OSBPL10: variants seen among roughly 807,000 people sequenced by gnomAD.
OSBPL10 encodes oxysterol-binding protein-related protein 10.
A neutral mutation model predicts 81.7 loss-of-function variants in OSBPL10; 49 were observed. The ratio of observed to expected loss-of-function variants is 0.60; its 90% CI spans 0.48 to 0.76. The LOEUF (loss-of-function observed/expected upper bound fraction) is 0.76. OSBPL10 is among the 30% of genes least tolerant of loss of function. OSBPL10 has a pLI of 0.00. For missense variants in OSBPL10, 923 were observed against 987.8 expected (o/e 0.93, Z 0.88); for synonymous variants, 419 against 383.6 (o/e 1.09, Z -1.08).
Position 31,876,258 on chromosome 3 carries a change from T to C in OSBPL10, c.537+175A>G, listed in dbSNP as rs188542324. The stretch of plus-strand genomic sequence containing the variant: ...CCTGCGTATTCTACCTACAAGAAAA[T>C]CTTACTACATTTCTCCTGGCTTTAA... On this transcript the variant is annotated intron_variant, in intron 3 of 11. Coordinates refer to ENST00000396556, the MANE Select transcript of OSBPL10 (RefSeq NM_017784.5). Among the ~76,000 whole-genome samples the C allele has an allele frequency of 4.1e-4, 63 of 152,246 alleles. No homozygotes were observed. The South Asian group carries it at 6.0e-3, about 15-fold the overall frequency.
At chr3:32,052,187 G>A (rs1699675098) in intron 1 of OSBPL10, among the ~76,000 whole-genome samples, 1 of 150,062 alleles carries the variant, frequency 6.7e-6, no homozygotes, top group South Asian at 2.1e-4. Flanking sequence ...GTAGAGGTTG[G>A]AATGAGCAGA....
rs1216453558 is a variant in OSBPL10, at chr3:31,782,681, GA to G, written c.730-34562del. On this transcript the variant is annotated intron_variant, in intron 4 of 11. Coordinates refer to ENST00000396556, the MANE Select transcript of OSBPL10 (RefSeq NM_017784.5). ...AAGATACACAAATGGCCAAACACAG[GA>G]AAAAATGCTCAGCATCACTAATTAT... 2.0e-5 allele frequency among the ~76,000 whole-genome samples: 3 copies of G among 152,110 alleles called. No homozygotes were observed. In the South Asian group the frequency reaches 6.2e-4, roughly 32 times the overall value.
At chr3:31,809,867 C>CTTTTTTTTTTTTTTTTTTTTT (rs776687802) in intron 4 of OSBPL10, among the ~76,000 whole-genome samples, 1 of 83,458 alleles carries the variant, frequency 1.2e-5, no homozygotes, top group African/African-American at 8.5e-5. Flanking sequence ...TGCCCCCTGA[C>CTTTTTTTTTTTTTTTTTTTTT]TCTTTTTTTT....
Position 31,873,409 on chromosome 3 carries a change from C to T in OSBPL10, c.537+3024G>A, listed in dbSNP as rs539039023. On this transcript the variant is annotated intron_variant, in intron 3 of 11. Transcript: ENST00000396556. ...ACTCTGGACTGGGGAAAAACTTCATCAGGTAGTGACTAAGGCAGGTCTGGG... is the reference window on the plus strand; with the variant it reads ...ACTCTGGACTGGGGAAAAACTTCATTAGGTAGTGACTAAGGCAGGTCTGGG... Among the ~76,000 whole-genome samples, 5 of 152,188 alleles carry T rather than the reference C, an allele frequency of 3.3e-5. No individual in the cohort carries two copies. The South Asian group carries it at 6.2e-4, about 19-fold the overall frequency.
At chr3:31,960,623 G>A (rs1376541891) in intron 1 of OSBPL10, among the ~76,000 whole-genome samples, 1 of 152,136 alleles carries the variant, frequency 6.6e-6, no homozygotes, top group Non-Finnish European at 1.5e-5. Flanking sequence ...CCATTTCCAA[G>A]TAAAAATGGA....
At chr3:31,915,047 C>G (rs1696712192) in intron 1 of OSBPL10, among the ~76,000 whole-genome samples, 1 of 152,194 alleles carries the variant, frequency 6.6e-6, no homozygotes, top group Non-Finnish European at 1.5e-5. Context: ...TCAGAGCTCA[C>G]TGTAACCTTG....
rs768390742 is a variant in OSBPL10, at chr3:31,980,905, T to C, written c.275A>G (p.Gln92Arg). ...SKYTNLLQGW[Q>R]NRYFVLDFEA... ...CGGGCGGCTGGCGCGTTACCTGTTC[T>C]GCCAGCCCTGGAGGAGGTTGGTGTA... Residue 92 changes from glutamine (Q) to arginine (R), a missense_variant, in exon 1 of 12, where the codon CAG becomes CGG. By Grantham distance (43) the Gln-to-Arg change is conservative. Coordinates refer to ENST00000396556, the MANE Select transcript of OSBPL10 (RefSeq NM_017784.5). The C allele has an allele frequency of 7.0e-6, 11 of 1,571,610 alleles. No individual in the cohort carries two copies. Among genetic ancestry groups the C allele is most frequent in the African/African-American group, 2.8e-5 (2 of 71,536 alleles).
intron 6 of OSBPL10, among the ~76,000 whole-genome samples, chr3:31,705,782 C>A (rs537590760): frequency 6.6e-6 from 1 of 152,144 alleles, no homozygotes; most frequent in Non-Finnish European, 1.5e-5. Flanking sequence ...TGAATCTCTG[C>A]GAATTTTCAC....
chr3:31,807,255 C>T (rs943979193), intron 4 of OSBPL10, among the ~76,000 whole-genome samples: 12 of 152,044 alleles, frequency 7.9e-5, no homozygotes, highest in African/African-American at 2.9e-4. Context: ...TGTTGCACAC[C>T]TGTAATCCCA....
At chr3:31,678,458 T>G (rs1700545842) in intron 8 of OSBPL10, among the ~76,000 whole-genome samples, 1 of 152,198 alleles carries the variant, frequency 6.6e-6, no homozygotes, top group South Asian at 2.1e-4. Flanking sequence ...CCACCGCTGG[T>G]GGTCGGGGAC....
At chr3:31,726,033 T>C (rs1696798028) in intron 6 of OSBPL10, among the ~76,000 whole-genome samples, 2 of 152,130 alleles carry the variant, frequency 1.3e-5, no homozygotes, top group South Asian at 4.1e-4. Context: ...CTGCTTGGGG[T>C]ACATCGGGGT....
At chr3:31,674,121 A>T (rs113132047) in intron 8 of OSBPL10, among the ~76,000 whole-genome samples, 1 of 152,092 alleles carries the variant, frequency 6.6e-6, no homozygotes, top group African/African-American at 2.4e-5. Flanking sequence ...TTGATCTCCA[A>T]TGTTGGAGGT....
intron 6 of OSBPL10, among the ~76,000 whole-genome samples, chr3:31,711,496 G>T (rs1355007651): frequency 6.6e-6 from 1 of 152,202 alleles, no homozygotes; most frequent in East Asian, 1.9e-4. Context: ...ACAAAGGGTG[G>T]TTTATAACAG....
At chr3:31,825,499 T>C (rs1700078406) in intron 4 of OSBPL10, among the ~76,000 whole-genome samples, 2 of 152,084 alleles carry the variant, frequency 1.3e-5, no homozygotes, top group Admixed American at 1.3e-4. Flanking sequence ...TCTGTAAATT[T>C]TTTGTTGAAA....
chr3:31,994,427 T>TA (rs1394319973), intron 2 of OSBPL10, among the ~76,000 whole-genome samples: 2 of 152,114 alleles, frequency 1.3e-5, no homozygotes, highest in East Asian at 3.9e-4. Flanking sequence ...GAAAAAGGTA[T>TA]ATGAGGTCAA....
At chr3:31,932,948 G>T (rs1217892530) in intron 1 of OSBPL10, among the ~76,000 whole-genome samples, 5 of 151,988 alleles carry the variant, frequency 3.3e-5, no homozygotes, top group Non-Finnish European at 7.4e-5. Flanking sequence ...CTGTACACTT[G>T]AAAAGGTTCA....
At chr3:31,878,470 T>C (rs939799408) in intron 2 of OSBPL10, among the ~76,000 whole-genome samples, 8 of 152,346 alleles carry the variant, frequency 5.3e-5, no homozygotes, top group East Asian at 3.9e-4. Flanking sequence ...TTATCAACTA[T>C]AGACATTTTT....
At chr3:31,839,867 G>C (rs1416557606) in intron 3 of OSBPL10, among the ~76,000 whole-genome samples, 4 of 54,622 alleles carry the variant, frequency 7.3e-5, no homozygotes, top group Non-Finnish European at 2.1e-4. Flanking sequence ...GGCTCATGCA[G>C]ACACAGAGAA....
chr3:32,047,365 T>C (rs1167059959), intron 1 of OSBPL10, among the ~76,000 whole-genome samples: 7 of 152,176 alleles, frequency 4.6e-5, no homozygotes, highest in African/African-American at 1.4e-4. Flanking sequence ...TTGGCTATTT[T>C]TATGGTTATT....
Sources: gnomAD v4.1 joint callset for allele counts (sites outside exome capture counted in the v4.1 genomes callset) on GRCh38, gnomAD v4.1.1 for gene constraint, MANE v1.5 for transcripts, NCBI Gene and HGNC (gene_info 2026-07-23, HGNC 2026-07-21) for gene names.